The following SESTD1 variants were observed in gnomAD, a reference collection of about 807,000 sequenced individuals.
SESTD1 encodes the protein SEC14 and spectrin domain containing 1.
Under a neutral mutation model 101.7 loss-of-function variants are expected in SESTD1, and 43 were observed. The observed-to-expected ratio is 0.42, with a 90% confidence interval of 0.33 to 0.55. SESTD1 has a LOEUF of 0.55. Ranked by LOEUF, SESTD1 falls within the 20% of genes least tolerant of loss-of-function variation. The pLI, the probability that SESTD1 is intolerant of heterozygous loss-of-function variation, is 0.07. For synonymous variants in SESTD1, 283 were observed against 286.8 expected (o/e 0.99, Z 0.13); for missense variants, 647 against 815.1 (o/e 0.79, Z 2.51).
chr2:179,240,423 T>C (rs2105546334), intron 1 of SESTD1, among the ~76,000 whole-genome samples: 1 of 152,294 alleles, frequency 6.6e-6, no homozygotes, highest in East Asian at 1.9e-4. Context: ...AAGAAGTCTG[T>C]GAACGGTAGA....
chr2:179,157,254 C>T (rs1399763355), intron 5 of SESTD1, among the ~76,000 whole-genome samples: 1 of 152,172 alleles, frequency 6.6e-6, no homozygotes, highest in Non-Finnish European at 1.5e-5. Flanking sequence ...ATCCCATACT[C>T]ATGGATGAGT....
chr2:179,113,148 G>C (rs1425456583), intron 16 of SESTD1, among the ~76,000 whole-genome samples: 1 of 152,086 alleles, frequency 6.6e-6, no homozygotes, highest in Non-Finnish European at 1.5e-5. Flanking sequence ...CTACTATTTG[G>C]AAAATAAGTT....
intron 8 of SESTD1, 109 bp downstream of exon 8, chr2:179,146,293 G>C: frequency 9.7e-7 from 1 of 1,028,508 alleles, no homozygotes; most frequent in Non-Finnish European, 1.4e-6. Context: ...ATTTCCCCTT[G>C]AGTTCCTTCC....
At chr2:179,189,696 T>C (rs2075501138) in intron 2 of SESTD1, among the ~76,000 whole-genome samples, 2 of 152,282 alleles carry the variant, frequency 1.3e-5, no homozygotes, top group East Asian at 1.9e-4. Context: ...AAAAGGCTTC[T>C]AGAACTGATA....
At chr2:179,220,071 A>G (rs905896382) in intron 1 of SESTD1, among the ~76,000 whole-genome samples, 1 of 150,998 alleles carries the variant, frequency 6.6e-6, no homozygotes, top group Non-Finnish European at 1.5e-5. Context: ...CTAGTGGAAC[A>G]TTAAAAGTCC....
chr2:179,130,126 G>C (rs28362046), intron 10 of SESTD1, among the ~76,000 whole-genome samples: 5,252 of 152,164 alleles, frequency 0.035, 286 homozygotes, highest in African/African-American at 0.12. Flanking sequence ...AGTATTAAAA[G>C]TACAAGAATG....
At chr2:179,188,790 T>C (rs1330953455) in intron 2 of SESTD1, among the ~76,000 whole-genome samples, 2 of 151,944 alleles carry the variant, frequency 1.3e-5, no homozygotes, top group Non-Finnish European at 2.9e-5. Context: ...CCTACAGAAA[T>C]ACAAAAGACT....
At chr2:179,258,805 G>C (rs534355363) in intron 1 of SESTD1, among the ~76,000 whole-genome samples, 10 of 152,282 alleles carry the variant, frequency 6.6e-5, no homozygotes, top group Non-Finnish European at 1.5e-5. Flanking sequence ...AAATTATTTA[G>C]ATAAGGTGAT....
At chr2:179,239,472 G>C (rs1254125587) in intron 1 of SESTD1, among the ~76,000 whole-genome samples, 1 of 152,060 alleles carries the variant, frequency 6.6e-6, no homozygotes, top group Admixed American at 6.6e-5. Context: ...TTCTGGGAAA[G>C]AACTTTAAAA....
chr2:179,133,575 T>C (rs527637233), intron 9 of SESTD1, among the ~76,000 whole-genome samples: 1 of 152,202 alleles, frequency 6.6e-6, no homozygotes, highest in South Asian at 2.1e-4. Flanking sequence ...TTTGCCAAAT[T>C]AGAAAAAGGA....
rs759553115 is a variant in SESTD1, at chr2:179,116,605, T to TAATC, written c.1647+59_1647+62dup. On this transcript the variant is annotated intron_variant, in intron 15 of 17. Coordinates refer to ENST00000428443, the MANE Select transcript of SESTD1 (RefSeq NM_178123.5). ...GTACTTGGAAGGTAAAGTTACATTA[T>TAATC]AATCATGCAGAAAGCTATTCAAACA... 1.2e-5 allele frequency: 20 copies of TAATC among 1,612,338 alleles called. No homozygotes were observed. The South Asian group carries it at 1.9e-4, about 15-fold the overall frequency.
chr2:179,149,059 C>CAAAAAAAAAAAAAAAAA (rs66636048), intron 7 of SESTD1, among the ~76,000 whole-genome samples: 2 of 60,410 alleles, frequency 3.3e-5, no homozygotes, highest in African/African-American at 1.1e-4. Context: ...GACTCCGTCT[C>CAAAAAAAAAAAAAAAAA]AAAAAAAAAA....
At position 179,239,732 on chromosome 2, in the gene SESTD1, T is replaced by C. The variant is rs373366844; in HGVS notation, c.-26+24767A>G. On this transcript the variant is annotated intron_variant, in intron 1 of 17. Transcript: ENST00000428443. ...TAGATTAAAACAATAAGGCATCATT[T>C]AGCACTACTAACGCTTTATTCTTAA... 1.6e-4 allele frequency among the ~76,000 whole-genome samples: 25 copies of C among 152,322 alleles called. 2 individuals carry two copies. In the South Asian group the frequency reaches 3.5e-3, roughly 21 times the overall value.
At chr2:179,199,398 C>T (rs1441557567) in intron 1 of SESTD1, among the ~76,000 whole-genome samples, 1 of 152,100 alleles carries the variant, frequency 6.6e-6, no homozygotes, top group African/African-American at 2.4e-5. Context: ...TGGGACCATT[C>T]CTTCTGAAAC....
intron 10 of SESTD1, among the ~76,000 whole-genome samples, chr2:179,131,602 G>GC: frequency 6.6e-6 from 1 of 152,066 alleles, no homozygotes; most frequent in Non-Finnish European, 1.5e-5. Flanking sequence ...GGAGAGGGGG[G>GC]TGAGCTACCC....
At chr2:179,257,214 C>A (rs554052628) in intron 1 of SESTD1, among the ~76,000 whole-genome samples, 1 of 151,444 alleles carries the variant, frequency 6.6e-6, no homozygotes, top group Admixed American at 6.6e-5. Flanking sequence ...AGGGGGCTGC[C>A]CTTATGAAAA....
intron 9 of SESTD1, among the ~76,000 whole-genome samples, chr2:179,133,603 T>C (rs2045063039): frequency 6.6e-6 from 1 of 152,200 alleles, no homozygotes; most frequent in African/African-American, 2.4e-5. Flanking sequence ...AATAGATGTA[T>C]GGTTATATCC....
rs1218934718 is a variant in SESTD1 at position 179,151,355 on chromosome 2, T to C, written c.406A>G (p.Ile136Val). 1.9e-6 allele frequency: 3 copies of C among 1,606,270 alleles called. No individual in the cohort carries two copies. Among genetic ancestry groups the C allele is most frequent in the African/African-American group, 2.7e-5 (2 of 74,642 alleles). ...LVSANKLTRY[I>V]EPCQLTEDFG... Reference sequence around the variant, plus strand: ...TCTTCTGTTAATTGGCATGGTTCTATATAACGAGTCAATTTGTTGGCGGAC... The same window carrying C: ...TCTTCTGTTAATTGGCATGGTTCTACATAACGAGTCAATTTGTTGGCGGAC... The change falls in exon 6 of 18, where the codon ATA becomes GTA. Residue 136 changes from isoleucine (I) to valine (V), a missense_variant. By Grantham distance (29) the Ile-to-Val change is conservative. Coordinates refer to ENST00000428443, the MANE Select transcript of SESTD1 (RefSeq NM_178123.5).
At chr2:179,255,047 G>A (rs2047371942) in intron 1 of SESTD1, among the ~76,000 whole-genome samples, 1 of 152,106 alleles carries the variant, frequency 6.6e-6, no homozygotes, top group Non-Finnish European at 1.5e-5. Flanking sequence ...CATATAAGAT[G>A]GCGAACTTAA....
Sources: gnomAD v4.1 joint callset for allele counts (sites outside exome capture counted in the v4.1 genomes callset) on GRCh38, gnomAD v4.1.1 for gene constraint, MANE v1.5 for transcripts, NCBI Gene and HGNC (gene_info 2026-07-23, HGNC 2026-07-21) for gene names.